TENM2: variants seen among roughly 807,000 people sequenced by gnomAD.
The protein encoded by TENM2 is teneurin-2.
Under a neutral mutation model 245.2 loss-of-function variants are expected in TENM2, and 52 were observed. The ratio of observed to expected loss-of-function variants is 0.21; its 90% CI spans 0.17 to 0.27. The LOEUF is 0.27. Ranked by LOEUF, TENM2 falls within the 10% of genes least tolerant of loss-of-function variation. TENM2 has a pLI of 1.00. For synonymous variants in TENM2, 1,363 were observed against 1,438.9 expected (o/e 0.95, Z 1.19); for missense variants, 3,046 against 3,666.8 (o/e 0.83, Z 4.37).
intron 2 of TENM2, among the ~76,000 whole-genome samples, chr5:167,743,210 AG>A (rs1761317272): frequency 6.6e-6 from 1 of 152,162 alleles, no homozygotes; most frequent in African/African-American, 2.4e-5. Context: ...ATAGTGCCTC[AG>A]TGGTAGTTCC....
At chr5:168,014,633 A>T (rs1361500254) in intron 5 of TENM2, among the ~76,000 whole-genome samples, 1 of 152,226 alleles carries the variant, frequency 6.6e-6, no homozygotes, top group South Asian at 2.1e-4. Flanking sequence ...GTTTCCTCTT[A>T]TTCAAATGCA....
intron 2 of TENM2, among the ~76,000 whole-genome samples, chr5:167,789,072 A>G (rs1764772066): frequency 6.6e-6 from 1 of 152,196 alleles, no homozygotes; most frequent in Non-Finnish European, 1.5e-5. Context: ...CTTACTTAGC[A>G]TTGCCTCCAA....
intron 25 of TENM2, among the ~76,000 whole-genome samples, chr5:168,228,580 A>ACTT (rs1215347028): frequency 1.8e-5 from 2 of 112,278 alleles, no homozygotes; most frequent in Non-Finnish European, 3.4e-5. Context: ...GAAGAACAAA[A>ACTT]CTTTTAAAGT....
At chr5:167,420,087 G>A (rs1047134730) in intron 2 of TENM2, among the ~76,000 whole-genome samples, 2 of 152,174 alleles carry the variant, frequency 1.3e-5, no homozygotes, top group African/African-American at 4.8e-5. Flanking sequence ...CTTTGCAAAA[G>A]GTCACCAAAA....
At chr5:167,260,592 T>G in the TENM2 span, among the ~76,000 whole-genome samples, 2 of 152,222 alleles carry the variant, frequency 1.3e-5, no homozygotes, top group South Asian at 4.1e-4. Flanking sequence ...CACACTCTGC[T>G]TTTGAATCAT....
At chr5:167,966,871 C>T (rs775351637) in intron 4 of TENM2, 1 of 152,160 alleles carries the variant, frequency 6.6e-6, no homozygotes, top group Non-Finnish European at 1.5e-5. Context: ...CAATAGGCAG[C>T]TTGATTTCTC....
At chr5:167,750,301 A>G (rs1463598794) in intron 2 of TENM2, among the ~76,000 whole-genome samples, 1 of 152,106 alleles carries the variant, frequency 6.6e-6, no homozygotes, top group Admixed American at 6.6e-5. Context: ...TGTTACAGAG[A>G]GAGCAGCAGG....
intron 2 of TENM2, among the ~76,000 whole-genome samples, chr5:167,646,352 T>C (rs1779968761): frequency 6.6e-6 from 1 of 151,578 alleles, no homozygotes; most frequent in Admixed American, 6.6e-5. Context: ...TTGGGTATTA[T>C]TTTCTGATGG....
chr5:167,539,107 C>T (rs1245877067), intron 2 of TENM2, among the ~76,000 whole-genome samples: 5 of 151,974 alleles, frequency 3.3e-5, no homozygotes, highest in African/African-American at 9.7e-5. Flanking sequence ...TGTGATATGA[C>T]CAGCATTCAC....
At chr5:166,986,227 A>G in the TENM2 span, among the ~76,000 whole-genome samples, 1 of 152,206 alleles carries the variant, frequency 6.6e-6, no homozygotes, top group Non-Finnish European at 1.5e-5. Flanking sequence ...GAATTAAAAT[A>G]GATTTTGTGT....
At chr5:168,165,651 C>A (rs1239817196) in intron 13 of TENM2, among the ~76,000 whole-genome samples, 14 of 19,038 alleles carry the variant, frequency 7.4e-4, no homozygotes, top group South Asian at 3.7e-3. Context: ...CCCCCCAACC[C>A]CCCCCCCCCC....
At chr5:167,512,557 C>T (rs1770041950) in intron 2 of TENM2, among the ~76,000 whole-genome samples, 1 of 152,118 alleles carries the variant, frequency 6.6e-6, no homozygotes, top group Admixed American at 6.5e-5. Flanking sequence ...ATCAGTTCCT[C>T]TGAATAAGGA....
the TENM2 span, among the ~76,000 whole-genome samples, chr5:167,059,580 T>A: frequency 6.6e-6 from 1 of 151,394 alleles, no homozygotes; most frequent in African/African-American, 2.4e-5. Context: ...CATTCAGAAT[T>A]GAAAGCAAGC....
chr5:168,018,012 T>A (rs1785810011), intron 5 of TENM2, among the ~76,000 whole-genome samples: 1 of 152,228 alleles, frequency 6.6e-6, no homozygotes, highest in South Asian at 2.1e-4. Context: ...GCACTTCCAC[T>A]GTTGGGCAAC....
intron 2 of TENM2, among the ~76,000 whole-genome samples, chr5:167,655,731 G>C (rs537580977): frequency 6.6e-6 from 1 of 152,210 alleles, no homozygotes; most frequent in Non-Finnish European, 1.5e-5. Flanking sequence ...GCTAATCAAA[G>C]TATATGATGG....
Position 168,155,366 on chromosome 5 carries a change from CAA to C in TENM2, c.2423-7236_2423-7235del, listed in dbSNP as rs35543060. Among the ~76,000 whole-genome samples, 12 of 139,986 alleles carry C rather than the reference CAA, an allele frequency of 8.6e-5. No homozygotes were observed. In the South Asian group the frequency reaches 2.0e-3, roughly 24 times the overall value. The allele number at this position is 139,986 out of a possible 152,430, so 91.8% of individuals were successfully genotyped here. On this transcript the variant is annotated intron_variant, in intron 12 of 28. Transcript: ENST00000518659. ...AGGGAAAACAAAAACAAAAAACAAA[CAA>C]AAAAAAAACAGTGATATTTAAAACA...
chr5:167,162,487 G>A, the TENM2 span, among the ~76,000 whole-genome samples: 213 of 152,050 alleles, frequency 1.4e-3, 1 homozygote, highest in Non-Finnish European at 2.6e-3. Context: ...ATTTAGCTGG[G>A]TGTGGAGGCA....
the TENM2 span, among the ~76,000 whole-genome samples, chr5:167,088,594 T>C: frequency 6.6e-6 from 1 of 151,466 alleles, no homozygotes; most frequent in Non-Finnish European, 1.5e-5. Context: ...GCCACTGCAC[T>C]CCAGCCTGGG....
the TENM2 span, among the ~76,000 whole-genome samples, chr5:167,145,600 G>GTATTGAT: frequency 5.3e-5 from 8 of 152,190 alleles, no homozygotes; most frequent in Admixed American, 5.2e-4. Context: ...TGATGCACAC[G>GTATTGAT]GGGAATTTAG....
Sources: allele counts gnomAD v4.1 joint callset (sites outside exome capture counted in the v4.1 genomes callset), GRCh38; gene constraint gnomAD v4.1.1; transcripts MANE v1.5; gene names NCBI Gene and HGNC (gene_info 2026-07-23, HGNC 2026-07-21).